The following SYN2 variants were observed in gnomAD, a reference collection of about 807,000 sequenced individuals.
SYN2 encodes the protein synapsin-2.
A neutral mutation model predicts 50.9 loss-of-function variants in SYN2; 19 were observed. That is an observed-to-expected ratio of 0.37 (90% CI 0.26 to 0.55). SYN2 has a LOEUF of 0.55. Ranked by LOEUF, SYN2 falls within the 20% of genes least tolerant of loss-of-function variation. The pLI is 0.81. For missense variants in SYN2, 587 were observed against 576.4 expected (o/e 1.02, Z -0.19); for synonymous variants, 255 against 224.9 (o/e 1.13, Z -1.20).
At chr3:12,090,292 A>T (rs1695797987) in intron 1 of SYN2, among the ~76,000 whole-genome samples, 1 of 152,186 alleles carries the variant, frequency 6.6e-6, no homozygotes, top group Non-Finnish European at 1.5e-5. Flanking sequence ...ATAAATGACT[A>T]TGAGGAAACT....
intron 11 of SYN2, chr3:12,184,492 C>G: frequency 1.0e-6 from 1 of 985,848 alleles, no homozygotes; most frequent in Non-Finnish European, 1.2e-6. Flanking sequence ...AATGGGAGAC[C>G]AAATCAAAAA....
chr3:12,184,074 A>T, intron 11 of SYN2: 1 of 986,240 alleles, frequency 1.0e-6, no homozygotes, highest in Non-Finnish European at 1.2e-6. Flanking sequence ...GTTTATGTGA[A>T]TAGGCTGGCT....
At chr3:12,049,818 A>T (rs956056460) in intron 1 of SYN2, among the ~76,000 whole-genome samples, 2 of 152,204 alleles carry the variant, frequency 1.3e-5, no homozygotes, top group African/African-American at 4.8e-5. Flanking sequence ...AACATGGCTT[A>T]TATTTAGAAG....
chr3:12,139,099 G>A (rs1696961450), intron 1 of SYN2, among the ~76,000 whole-genome samples: 1 of 152,184 alleles, frequency 6.6e-6, no homozygotes, highest in African/African-American at 2.4e-5. Context: ...CAGAGGTGGG[G>A]GGTGGACTTA....
At chr3:12,084,472 A>G (rs1055063825) in intron 1 of SYN2, among the ~76,000 whole-genome samples, 3 of 152,202 alleles carry the variant, frequency 2.0e-5, no homozygotes, top group African/African-American at 7.2e-5. Context: ...TCTTTCTCAG[A>G]CAAAAACTGA....
chr3:12,161,596 A>T lies in SYN2; in HGVS notation c.825A>T (p.Ser275=). ...PVVVKIGHAH[S]GMGKVKVENH... ...TGGTGAAGATTGGCCACGCTCACTC[A>T]GGCATGGGCAAGGTGAGGCAGAGAG... is the stretch of plus-strand genomic sequence containing the variant. Residue 275 remains serine (S), a synonymous_variant, in exon 6 of 13, where the codon TCA becomes TCT. Transcript: ENST00000621198. The T allele has an allele frequency of 6.2e-7, 1 of 1,614,050 alleles. No homozygotes were observed. The highest frequency in any genetic ancestry group is 2.2e-5 in the East Asian group (1 of 44,896).
chr3:12,014,415 A>G (rs142879623), intron 1 of SYN2, among the ~76,000 whole-genome samples: 6 of 152,310 alleles, frequency 3.9e-5, no homozygotes, highest in Non-Finnish European at 7.4e-5. Flanking sequence ...TTTCACTCTT[A>G]TGTCCTATGA....
chr3:12,177,515 G>C (rs569909487), intron 10 of SYN2, among the ~76,000 whole-genome samples: 1 of 152,156 alleles, frequency 6.6e-6, no homozygotes, highest in Admixed American at 6.5e-5. Context: ...GGGCTGTCCA[G>C]TTAGGGAGGG....
chr3:12,141,471 A>T lies in SYN2; in HGVS notation c.436-434A>T, dbSNP rs1530305. Among the ~76,000 whole-genome samples the T allele has an allele frequency of 2.3e-3, 346 of 152,348 alleles. 2 individuals carry two copies. Among genetic ancestry groups the T allele is most frequent in the African/African-American group, 7.2e-3 (299 of 41,582 alleles). ...GTACAAGTAACTTGCTTAATGTTTT[A>T]TGCAGCTAGGTAAGGGGAAAGCAGA... is the stretch of plus-strand genomic sequence containing the variant. On this transcript the variant is annotated intron_variant, in intron 2 of 12. Coordinates refer to ENST00000621198, the MANE Select transcript of SYN2 (RefSeq NM_133625.6).
intron 1 of SYN2, among the ~76,000 whole-genome samples, chr3:12,117,975 C>T (rs1426652814): frequency 1.3e-5 from 2 of 152,108 alleles, no homozygotes; most frequent in Non-Finnish European, 2.9e-5. Context: ...AGGCATGTTG[C>T]ACTCAGAATT....
At chr3:12,139,996 T>C (rs112080500) in intron 1 of SYN2, among the ~76,000 whole-genome samples, 60 of 152,364 alleles carry the variant, frequency 3.9e-4, no homozygotes, top group African/African-American at 1.4e-3. Context: ...TACTATGTAC[T>C]GTGTAACTCA....
At chr3:12,079,789 T>G (rs1259731151) in intron 1 of SYN2, among the ~76,000 whole-genome samples, 1 of 152,138 alleles carries the variant, frequency 6.6e-6, no homozygotes, top group Non-Finnish European at 1.5e-5. Context: ...CTCTGCCAGG[T>G]TTTGATATAA....
In SYN2 at chr3:12,004,751, C is replaced by CGTCCGCGCCGCA. The variant is rs1553606370; in HGVS notation, c.201_202insTCCGCGCCGCAG (p.Ala67_Pro68insSerAlaProGln). On this transcript the variant is annotated inframe_insertion, in exon 1 of 13. Transcript: ENST00000621198. ...GAGCGGAGGCCGCCGCCCGCCTCGG[C>CGTCCGCGCCGCA]GCCCGCGCCGCAGCCCGCGCCGACG... The CGTCCGCGCCGCA allele has an allele frequency of 7.4e-4, 228 of 306,692 alleles. 1 individual carries two copies. Among genetic ancestry groups the CGTCCGCGCCGCA allele is most frequent in the African/African-American group, 4.8e-3 (213 of 44,036 alleles). 19.0% of individuals were successfully genotyped at this position (306,692 alleles called of 1,614,324 possible).
chr3:12,184,323 T>C (rs1425571366), intron 11 of SYN2: 1 of 985,768 alleles, frequency 1.0e-6, no homozygotes, highest in Non-Finnish European at 1.2e-6. Context: ...GATCCAGCCA[T>C]GTGTGCGCTT....
intron 1 of SYN2, among the ~76,000 whole-genome samples, chr3:12,059,367 A>G (rs1044881722): frequency 6.6e-6 from 1 of 152,014 alleles, no homozygotes; most frequent in African/African-American, 2.4e-5. Flanking sequence ...TCATAGGTGG[A>G]TTCAAACATT....
chr3:12,068,858 A>T (rs1574921283), intron 1 of SYN2, among the ~76,000 whole-genome samples: 2 of 152,136 alleles, frequency 1.3e-5, no homozygotes, highest in African/African-American at 4.8e-5. Context: ...CATCACTATC[A>T]ATTTTAGAAC....
rs1272595733 is a variant in SYN2 at position 12,170,024 on chromosome 3, T to C, written c.1308+118T>C. 3 of 1,259,952 alleles carry C rather than the reference T, an allele frequency of 2.4e-6. No individual in the cohort carries two copies. The Admixed American group carries it at 8.6e-5, about 36-fold the overall frequency. The allele number at this position is 1,259,952 out of a possible 1,614,324, so 78.0% of individuals were successfully genotyped here. A position where few individuals can be genotyped will look rare whatever the true frequency, so the allele number is the denominator to read the frequency against. ...GATGCCCACAGGCCTAAATGGGATC[T>C]AAGGAGACATCTCCCTCTTCCTTCC... On this transcript the variant is annotated intron_variant, in intron 10 of 12. Transcript: ENST00000621198.
At chr3:12,040,494 G>A (rs895260301) in intron 1 of SYN2, among the ~76,000 whole-genome samples, 1 of 145,892 alleles carries the variant, frequency 6.9e-6, no homozygotes, top group African/African-American at 2.6e-5. Context: ...GTGCGGTGGC[G>A]TGATCTCGGC....
chr3:12,113,954 A>G (rs936074528), intron 1 of SYN2, among the ~76,000 whole-genome samples: 4 of 152,092 alleles, frequency 2.6e-5, no homozygotes, highest in Non-Finnish European at 5.9e-5. Flanking sequence ...AGTTCCCAGA[A>G]TGGAATTGTT....
Sources: gnomAD v4.1 joint callset for allele counts (sites outside exome capture counted in the v4.1 genomes callset) on GRCh38, gnomAD v4.1.1 for gene constraint, MANE v1.5 for transcripts, NCBI Gene and HGNC (gene_info 2026-07-23, HGNC 2026-07-21) for gene names.